PRKN: variants seen among roughly 807,000 people sequenced by gnomAD.
The protein encoded by PRKN is parkin RBR E3 ubiquitin protein ligase.
A neutral mutation model predicts 59.5 loss-of-function variants in PRKN; 56 were observed. The observed-to-expected ratio is 0.94, with a 90% confidence interval of 0.76 to 1.18. The LOEUF is 1.18. Ranked by LOEUF, PRKN falls within the 50% of genes most tolerant of loss-of-function variation. The pLI, the probability that PRKN is intolerant of heterozygous loss-of-function variation, is 0.00. For synonymous variants in PRKN, 250 were observed against 222.1 expected, an observed-to-expected ratio of 1.13 and a Z score of -1.12; for missense variants, 657 against 596.4, an observed-to-expected ratio of 1.10 and a Z score of -1.06.
At chr6:162,386,372 T>C (rs1786811187) in intron 2 of PRKN, among the ~76,000 whole-genome samples, 1 of 152,220 alleles carries the variant, frequency 6.6e-6, no homozygotes, top group Non-Finnish European at 1.5e-5. Context: ...ATTAAACTCA[T>C]TTTTAACCCT....
intron 4 of PRKN, among the ~76,000 whole-genome samples, chr6:162,125,841 T>C (rs191967182): frequency 6.2e-4 from 95 of 152,314 alleles, no homozygotes; most frequent in Admixed American, 1.1e-3. Context: ...GGCTAAGACA[T>C]GTCTTGTCTA....
At chr6:162,247,047 CATTA>C (rs71762551) in intron 3 of PRKN, among the ~76,000 whole-genome samples, 7,252 of 152,090 alleles carry the variant, frequency 0.048, 260 homozygotes, top group East Asian at 0.095. Context: ...TTTTGAGTCA[CATTA>C]ATTGTTTTAG....
At chr6:162,327,149 C>A (rs1268742371) in intron 2 of PRKN, among the ~76,000 whole-genome samples, 1 of 152,120 alleles carries the variant, frequency 6.6e-6, no homozygotes, top group Non-Finnish European at 1.5e-5. Context: ...TCGTTTTCTT[C>A]CTTTTCTTCT....
intron 4 of PRKN, among the ~76,000 whole-genome samples, chr6:162,193,833 T>C (rs1484720727): frequency 6.6e-6 from 1 of 152,138 alleles, no homozygotes; most frequent in Admixed American, 6.5e-5. Flanking sequence ...CCCCTCAGTG[T>C]ACAACTGCCT....
chr6:161,884,049 A>G (rs913953841), intron 6 of PRKN, among the ~76,000 whole-genome samples: 10 of 152,212 alleles, frequency 6.6e-5, no homozygotes, highest in African/African-American at 2.4e-4. Context: ...ATATAACATT[A>G]AACATAACAT....
At chr6:162,454,458 T>C (rs1441179969) in intron 1 of PRKN, among the ~76,000 whole-genome samples, 1 of 152,228 alleles carries the variant, frequency 6.6e-6, no homozygotes, top group Non-Finnish European at 1.5e-5. Flanking sequence ...GAAAGATAAT[T>C]GGGAGACCAT....
At chr6:162,115,726 C>T (rs1780643905) in intron 4 of PRKN, among the ~76,000 whole-genome samples, 1 of 151,990 alleles carries the variant, frequency 6.6e-6, no homozygotes, top group African/African-American at 2.4e-5. Context: ...GGCAGGAGCC[C>T]ATATGGGTCA....
At chr6:162,669,875 C>G (rs755518736) in intron 1 of PRKN, among the ~76,000 whole-genome samples, 1 of 152,100 alleles carries the variant, frequency 6.6e-6, no homozygotes, top group Non-Finnish European at 1.5e-5. Context: ...AGAATTCAAA[C>G]GTCTCAAATA....
chr6:162,496,938 GAAGA>G (rs1261195420), intron 1 of PRKN, among the ~76,000 whole-genome samples: 1 of 152,146 alleles, frequency 6.6e-6, no homozygotes, highest in Non-Finnish European at 1.5e-5. Context: ...ACCTTATAAT[GAAGA>G]AAGAGGCTGC....
At chr6:162,309,991 C>G (rs1782412335) in intron 2 of PRKN, among the ~76,000 whole-genome samples, 1 of 152,142 alleles carries the variant, frequency 6.6e-6, no homozygotes, top group African/African-American at 2.4e-5. Flanking sequence ...AATTAGTTTG[C>G]TAAGGATAAT....
rs538315666 is a variant in PRKN, at chr6:162,034,345, T to A, written c.618+19746A>T. ...TATGTTAAAAGTGCAGAAACTGTTTTCAAGGTCACTCAAAAAGTAGTGCTG... is the reference window on the plus strand; with the variant it reads ...TATGTTAAAAGTGCAGAAACTGTTTACAAGGTCACTCAAAAAGTAGTGCTG... On this transcript the variant is annotated intron_variant, in intron 5 of 11. Coordinates refer to ENST00000366898, the MANE Select transcript of PRKN (RefSeq NM_004562.3). 2.6e-5 allele frequency among the ~76,000 whole-genome samples: 4 copies of A among 152,198 alleles called. No individual in the cohort carries two copies. The South Asian group carries it at 8.3e-4, about 32-fold the overall frequency.
intron 6 of PRKN, among the ~76,000 whole-genome samples, chr6:161,945,803 C>A (rs190960675): frequency 2.6e-5 from 4 of 152,316 alleles, no homozygotes; most frequent in Admixed American, 2.6e-4. Context: ...CCCTCTTTTG[C>A]AGTAGCAGAG....
intron 4 of PRKN, among the ~76,000 whole-genome samples, chr6:162,071,628 G>A (rs1309227725): frequency 6.8e-6 from 1 of 146,588 alleles, no homozygotes; most frequent in Non-Finnish European, 1.5e-5. Flanking sequence ...ATGGAGTCTC[G>A]AGCTGTAGCC....
chr6:162,419,109 A>G (rs1191372836), intron 2 of PRKN, among the ~76,000 whole-genome samples: 1 of 152,098 alleles, frequency 6.6e-6, no homozygotes, highest in Non-Finnish European at 1.5e-5. Context: ...AAGATCCAAC[A>G]TCAAATTAAC....
rs1047820460 is a variant in PRKN, at chr6:161,376,875, T to A, written c.1167+9919A>T. On this transcript the variant is annotated intron_variant, in intron 10 of 11. Transcript: ENST00000366898. The surrounding 1 kb of genome is among the most constrained non-coding windows in gnomAD (Gnocchi z 7.3). Reference sequence around the variant, plus strand: ...TGTTCTCCTGGGAACCTATAACCTGTGGCACTTGGTGCCTGGATAGTCCTA... The same window carrying A: ...TGTTCTCCTGGGAACCTATAACCTGAGGCACTTGGTGCCTGGATAGTCCTA... 6.6e-6 allele frequency among the ~76,000 whole-genome samples: 1 copy of A among 152,196 alleles called. No individual in the cohort carries two copies. The highest frequency in any genetic ancestry group is 1.5e-5 in the Non-Finnish European group (1 of 68,032).
chr6:161,927,062 C>T (rs1256375418), intron 6 of PRKN, among the ~76,000 whole-genome samples: 2 of 151,982 alleles, frequency 1.3e-5, no homozygotes, highest in African/African-American at 2.4e-5. Context: ...GTTTTAGATA[C>T]TTCGTGTGTG....
Position 161,549,736 on chromosome 6 carries a change from A to G in PRKN, c.934-733T>C, listed in dbSNP as rs1347497872. Reference sequence around the variant, plus strand: ...AGCCCTACACTTTTGATCTTACATTATTTGTAATATAAACTCAGATCAAGT... The same window carrying G: ...AGCCCTACACTTTTGATCTTACATTGTTTGTAATATAAACTCAGATCAAGT... On this transcript the variant is annotated intron_variant, in intron 8 of 11. Coordinates refer to ENST00000366898, the MANE Select transcript of PRKN (RefSeq NM_004562.3). The surrounding 1 kb of genome is among the most constrained non-coding windows in gnomAD (Gnocchi z 6.0). Among the ~76,000 whole-genome samples, 1 of 152,188 alleles carries G rather than the reference A, an allele frequency of 6.6e-6. No homozygotes were observed. The highest frequency in any genetic ancestry group is 2.4e-5 in the African/African-American group (1 of 41,444).
At chr6:162,480,976 T>TGTG (rs1562319139) in intron 1 of PRKN, among the ~76,000 whole-genome samples, 3 of 149,936 alleles carry the variant, frequency 2.0e-5, no homozygotes, top group African/African-American at 7.4e-5. Flanking sequence ...CAGCTAATTT[T>TGTG]TGTGTGTGTG....
At chr6:162,508,454 T>C (rs1376336346) in intron 1 of PRKN, among the ~76,000 whole-genome samples, 1 of 152,216 alleles carries the variant, frequency 6.6e-6, no homozygotes, top group East Asian at 1.9e-4. Flanking sequence ...AGTGTCCCAT[T>C]ATCATAAGCT....
Sources: gnomAD v4.1 joint callset for allele counts (sites outside exome capture counted in the v4.1 genomes callset) on GRCh38, gnomAD v4.1.1 for gene constraint, Gnocchi (gnomAD v3.1) non-coding constraint, MANE v1.5 for transcripts, NCBI Gene and HGNC (gene_info 2026-07-23, HGNC 2026-07-21) for gene names.